Variants in GPC5 observed in about 807,000 individuals in gnomAD.
The protein encoded by GPC5 is glypican-5.
Under a neutral mutation model 53.9 loss-of-function variants are expected in GPC5, and 47 were observed. That is an observed-to-expected ratio of 0.87 (90% CI 0.69 to 1.11). The LOEUF (loss-of-function observed/expected upper bound fraction) is 1.11, where lower values mean the gene tolerates loss of function less well. Among genes scored for constraint, GPC5 ranks in the 50% most tolerant of loss-of-function variants. GPC5 has a pLI of 0.00. For synonymous variants in GPC5, 286 were observed against 263.3 expected (o/e 1.09, Z -0.84); for missense variants, 748 against 713.1 (o/e 1.05, Z -0.56).
intron 7 of GPC5, among the ~76,000 whole-genome samples, chr13:92,155,756 AT>A (rs536484227): frequency 7.4e-6 from 1 of 135,932 alleles, no homozygotes; most frequent in Non-Finnish European, 1.7e-5. Context: ...ACATTCTTCT[AT>A]TTTTTTGAGA....
At chr13:92,655,874 T>G (rs987343613) in intron 7 of GPC5, among the ~76,000 whole-genome samples, 2 of 152,176 alleles carry the variant, frequency 1.3e-5, no homozygotes, top group Non-Finnish European at 2.9e-5. Flanking sequence ...AAGTCATATA[T>G]TTATCTGATT....
chr13:92,837,265 G>T (rs1446672405), intron 7 of GPC5, among the ~76,000 whole-genome samples: 1 of 152,082 alleles, frequency 6.6e-6, no homozygotes, highest in Admixed American at 6.6e-5. Context: ...GGATTCAGAG[G>T]AAGATCCTCC....
intron 7 of GPC5, among the ~76,000 whole-genome samples, chr13:92,740,234 C>T (rs879204907): frequency 6.6e-5 from 10 of 152,020 alleles, no homozygotes; most frequent in African/African-American, 1.9e-4. Flanking sequence ...TCAAATATCA[C>T]CTTATTAGTA....
chr13:92,060,121 G>T (rs1037251514), intron 6 of GPC5, among the ~76,000 whole-genome samples: 2 of 151,474 alleles, frequency 1.3e-5, no homozygotes, highest in African/African-American at 4.9e-5. Context: ...TTTTTTTCAG[G>T]TCTAATGTGT....
chr13:92,316,857 C>T (rs1034769934), intron 7 of GPC5, among the ~76,000 whole-genome samples: 1 of 151,856 alleles, frequency 6.6e-6, no homozygotes, highest in African/African-American at 2.4e-5. Flanking sequence ...TTCTAATTAC[C>T]CAAAATTTTT....
intron 7 of GPC5, among the ~76,000 whole-genome samples, chr13:92,672,002 G>A (rs986977255): frequency 1.3e-4 from 20 of 152,160 alleles, no homozygotes; most frequent in African/African-American, 4.8e-4. Flanking sequence ...CAGGGCCATT[G>A]ACTGACTCTA....
At chr13:91,517,922 C>T (rs1885590479) in intron 2 of GPC5, among the ~76,000 whole-genome samples, 1 of 152,050 alleles carries the variant, frequency 6.6e-6, no homozygotes, top group Non-Finnish European at 1.5e-5. Context: ...AAGACTGGCC[C>T]CCATAATTCA....
intron 7 of GPC5, among the ~76,000 whole-genome samples, chr13:92,441,744 A>T (rs974350161): frequency 2.0e-5 from 3 of 152,234 alleles, no homozygotes; most frequent in Non-Finnish European, 4.4e-5. Context: ...ACTATCATTA[A>T]AATGGCCCTA....
In GPC5 at chr13:92,438,692, TG is replaced by T. The variant is rs561627801; in HGVS notation, c.1561+293706del. 1.1e-4 allele frequency among the ~76,000 whole-genome samples: 16 copies of T among 152,194 alleles called. No individual in the cohort carries two copies. The South Asian group carries it at 3.3e-3, about 32-fold the overall frequency. ...AATCCAAATTGTCAATAACTGTTACTGGGACAATGGTCGTGGCATAAAGGAT... is the reference window on the plus strand; with the variant it reads ...AATCCAAATTGTCAATAACTGTTACTGGACAATGGTCGTGGCATAAAGGAT... On this transcript the variant is annotated intron_variant, in intron 7 of 7. Coordinates refer to ENST00000377067, the MANE Select transcript of GPC5 (RefSeq NM_004466.6).
chr13:92,612,406 A>G (rs965557932), intron 7 of GPC5, among the ~76,000 whole-genome samples: 6 of 152,116 alleles, frequency 3.9e-5, no homozygotes, highest in Admixed American at 2.6e-4. Flanking sequence ...TCTTAACATT[A>G]TCTTCTTCTG....
At chr13:91,715,656 A>G (rs561958921) in intron 3 of GPC5, among the ~76,000 whole-genome samples, 2 of 152,274 alleles carry the variant, frequency 1.3e-5, no homozygotes, top group South Asian at 4.1e-4. Context: ...ATAAATAACT[A>G]TAACAATAGA....
chr13:92,794,745 TAAAC>T (rs1876595517), intron 7 of GPC5, among the ~76,000 whole-genome samples: 1 of 151,660 alleles, frequency 6.6e-6, no homozygotes, highest in Admixed American at 6.6e-5. Context: ...CAAAAACAGA[TAAAC>T]AGAGAACCAA....
intron 7 of GPC5, among the ~76,000 whole-genome samples, chr13:92,535,497 A>G (rs1387838996): frequency 2.6e-5 from 4 of 152,142 alleles, no homozygotes; most frequent in Non-Finnish European, 4.4e-5. Flanking sequence ...GGGGGGGTCC[A>G]GAAGCAATCG....
chr13:92,580,464 T>C (rs1353356090), intron 7 of GPC5, among the ~76,000 whole-genome samples: 2 of 152,134 alleles, frequency 1.3e-5, no homozygotes, highest in Non-Finnish European at 2.9e-5. Flanking sequence ...CATATAAATA[T>C]ATGTGTTTAT....
chr13:92,495,968 G>C (rs1215065590), intron 7 of GPC5, among the ~76,000 whole-genome samples: 2 of 151,776 alleles, frequency 1.3e-5, no homozygotes, highest in East Asian at 3.9e-4. Flanking sequence ...TTTTTTTAAA[G>C]TTTTACCTTT....
chr13:92,632,817 G>A (rs1022254757), intron 7 of GPC5, among the ~76,000 whole-genome samples: 3 of 152,042 alleles, frequency 2.0e-5, no homozygotes, highest in African/African-American at 4.8e-5. Context: ...GCAAGGAGGA[G>A]CAAGTCACAT....
At chr13:92,685,566 T>TTTTTTTTAA (rs1887246302) in intron 7 of GPC5, among the ~76,000 whole-genome samples, 1 of 143,070 alleles carries the variant, frequency 7.0e-6, no homozygotes, top group African/African-American at 2.6e-5. Flanking sequence ...TTTAATTTTT[T>TTTTTTTTAA]TTTTTTTTAT....
intron 5 of GPC5, among the ~76,000 whole-genome samples, chr13:91,841,146 A>T (rs1432656190): frequency 6.6e-6 from 1 of 151,878 alleles, no homozygotes; most frequent in Non-Finnish European, 1.5e-5. Context: ...TGGAGGGAAG[A>T]GCTTTTTCAC....
intron 6 of GPC5, among the ~76,000 whole-genome samples, chr13:92,087,956 A>T (rs1227174489): frequency 6.7e-6 from 1 of 149,166 alleles, no homozygotes; most frequent in Non-Finnish European, 1.5e-5. Context: ...TTTTAAAGAG[A>T]TGGGGGTCTC....
Sources: allele counts gnomAD v4.1 joint callset (sites outside exome capture counted in the v4.1 genomes callset), GRCh38; gene constraint gnomAD v4.1.1; transcripts MANE v1.5; gene names NCBI Gene and HGNC (gene_info 2026-07-23, HGNC 2026-07-21).